NEDD4L: variants seen among roughly 807,000 people sequenced by gnomAD.
The protein encoded by NEDD4L is NEDD4 like E3 ubiquitin protein ligase.
A neutral mutation model predicts 148.9 loss-of-function variants in NEDD4L; 54 were observed. The ratio of observed to expected loss-of-function variants is 0.36; its 90% CI spans 0.29 to 0.45. The LOEUF (loss-of-function observed/expected upper bound fraction) is 0.45, where lower values mean the gene tolerates loss of function less well. NEDD4L is among the 20% of genes least tolerant of loss of function. The pLI, the probability that NEDD4L is intolerant of heterozygous loss-of-function variation, is 1.00. For missense variants in NEDD4L, 856 were observed against 1,233.8 expected (o/e 0.69, Z 4.59); for synonymous variants, 433 against 440.7 (o/e 0.98, Z 0.22).
At chr18:58,269,836 C>G (rs529152889) in intron 5 of NEDD4L, among the ~76,000 whole-genome samples, 8 of 149,702 alleles carry the variant, frequency 5.3e-5, no homozygotes, top group Non-Finnish European at 1.2e-4. Context: ...GTTCCTCTTT[C>G]TAGAGGTGGG....
rs559067461 is a variant in NEDD4L, at chr18:58,398,722, C to T, written c.*2453C>T. 2 of 152,324 alleles carry T rather than the reference C, an allele frequency of 1.3e-5. No homozygotes were observed. Among genetic ancestry groups the T allele is most frequent in the East Asian group, 1.9e-4 (1 of 5,192 alleles). The allele number at this position is 152,324 out of a possible 1,614,324, so 9.4% of individuals were successfully genotyped here. On this transcript the variant is annotated 3_prime_UTR_variant, in exon 31 of 31. Transcript: ENST00000400345. The stretch of plus-strand genomic sequence containing the variant: ...GGTTCAGTAGTCCTCAGCAATTCTC[C>T]AAGTTTCTCTCTTTGCCTAAAATGG...
intron 2 of NEDD4L, chr18:58,195,813 A>C: frequency 2.2e-6 from 2 of 914,430 alleles, no homozygotes; most frequent in Non-Finnish European, 3.2e-6. Context: ...CTTACCGTGA[A>C]TCCATTAGCT....
intron 2 of NEDD4L, chr18:58,195,747 A>AAGGTTC (rs1371685488): frequency 1.5e-6 from 2 of 1,340,418 alleles, no homozygotes; most frequent in Non-Finnish European, 2.0e-6. Context: ...AGTGCCACCG[A>AAGGTTC]AGGTTCCGTT....
Position 58,365,878 on chromosome 18 carries a change from A to G in NEDD4L, c.1834-121A>G, listed in dbSNP as rs147692860. 2.6e-5 allele frequency: 17 copies of G among 659,420 alleles called. No homozygotes were observed. The African/African-American group carries it at 2.9e-4, about 11-fold the overall frequency. 40.8% of individuals were successfully genotyped at this position (659,420 alleles called of 1,614,324 possible). ...AAAGGAGAGAATCTCAGTTGGAACCATTTGTCACTGCCTGTTTCTTTGAGG... is the reference window on the plus strand; with the variant it reads ...AAAGGAGAGAATCTCAGTTGGAACCGTTTGTCACTGCCTGTTTCTTTGAGG... On this transcript the variant is annotated intron_variant, in intron 20 of 30. Coordinates refer to ENST00000400345, the MANE Select transcript of NEDD4L (RefSeq NM_001144967.3).
chr18:58,198,050 A>G (rs1427689335), intron 2 of NEDD4L, among the ~76,000 whole-genome samples: 1 of 152,092 alleles, frequency 6.6e-6, no homozygotes, highest in Non-Finnish European at 1.5e-5. Flanking sequence ...TGGCACCCCT[A>G]CATAAAGGAA....
In NEDD4L at chr18:58,343,016, G is replaced by C. The variant is rs764949955; in HGVS notation, c.1488G>C (p.Gln496His). 2.5e-6 allele frequency: 4 copies of C among 1,613,734 alleles called. No individual in the cohort carries two copies. Among genetic ancestry groups the C allele is most frequent in the Non-Finnish European group, 2.5e-6 (3 of 1,179,790 alleles). The change falls in exon 16 of 31, where the codon CAG becomes CAC. Residue 496 changes from glutamine to histidine, a missense_variant. Gln to His is a conservative substitution (Grantham distance 24, BLOSUM62 0). Around this residue, in one of 4 missense-constraint regions of NEDD4L, gnomAD observed 367 missense variants for 422.7 expected, o/e 0.87. Coordinates refer to ENST00000400345, the MANE Select transcript of NEDD4L (RefSeq NM_001144967.3). ...NSPKPQHKVT[Q>H]SFLPPGWEMR... ...CCAAACCACAACACAAAGTCACACA[G>C]AGCTTCTTGCCACCCGGCTGGGAAA...
chr18:58,094,615 C>T (rs553424852), intron 1 of NEDD4L, among the ~76,000 whole-genome samples: 1 of 152,308 alleles, frequency 6.6e-6, no homozygotes, highest in East Asian at 1.9e-4. Flanking sequence ...CTCCCATGCT[C>T]AGCCCCGTGG....
At chr18:58,228,486 A>G (rs755720779) in intron 2 of NEDD4L, among the ~76,000 whole-genome samples, 1 of 152,262 alleles carries the variant, frequency 6.6e-6, no homozygotes, top group African/African-American at 2.4e-5. Context: ...CAGACCGTGT[A>G]TGCCACAATA....
chr18:58,068,190 CTTTTTT>C (rs201565393), intron 1 of NEDD4L, among the ~76,000 whole-genome samples: 1 of 109,310 alleles, frequency 9.1e-6, no homozygotes, highest in South Asian at 2.7e-4. Context: ...TCCTAGAATT[CTTTTTT>C]TTTTTTTTTT....
chr18:58,058,878 G>A (rs1042446008), intron 1 of NEDD4L, among the ~76,000 whole-genome samples: 1 of 152,106 alleles, frequency 6.6e-6, no homozygotes, highest in African/African-American at 2.4e-5. Context: ...GTCTCGTATA[G>A]ATTAGGCACC....
At chr18:58,379,416 TGAG>T (rs997547572) in intron 24 of NEDD4L, among the ~76,000 whole-genome samples, 1 of 152,202 alleles carries the variant, frequency 6.6e-6, no homozygotes, top group African/African-American at 2.4e-5. Context: ...TGTTCAGTGC[TGAG>T]GACATACAGT....
chr18:58,200,585 A>G (rs150097627), intron 2 of NEDD4L, among the ~76,000 whole-genome samples: 48 of 152,362 alleles, frequency 3.2e-4, no homozygotes, highest in African/African-American at 1.1e-3. Context: ...ATGTTATGGA[A>G]CAAAGTTAAA....
chr18:58,057,380 T>G (rs1227712502), intron 1 of NEDD4L, among the ~76,000 whole-genome samples: 2 of 151,650 alleles, frequency 1.3e-5, no homozygotes, highest in East Asian at 3.9e-4. Flanking sequence ...AAGGGGAAAA[T>G]AAGACACTCA....
chr18:58,074,229 A>G (rs1478768532), intron 1 of NEDD4L, among the ~76,000 whole-genome samples: 15 of 149,778 alleles, frequency 1.0e-4, no homozygotes, highest in Admixed American at 9.3e-4. Context: ...GTATTCTGTC[A>G]TTTTGCTCTT....
intron 1 of NEDD4L, among the ~76,000 whole-genome samples, chr18:58,123,554 A>C (rs1372169289): frequency 6.6e-6 from 1 of 152,144 alleles, no homozygotes; most frequent in East Asian, 1.9e-4. Context: ...CACCCTGGTT[A>C]AACCCACTTT....
chr18:58,183,939 G>A (rs1037580435), intron 2 of NEDD4L, among the ~76,000 whole-genome samples: 1 of 152,174 alleles, frequency 6.6e-6, no homozygotes, highest in South Asian at 2.1e-4. Flanking sequence ...GGAGGCCAAG[G>A]CGGGCGGATC....
chr18:58,101,812 T>A (rs1240373850), intron 1 of NEDD4L, among the ~76,000 whole-genome samples: 1 of 152,194 alleles, frequency 6.6e-6, no homozygotes, highest in Admixed American at 6.5e-5. Context: ...AGAGAGAGAA[T>A]GAGCCAGGAT....
At chr18:58,289,690 T>G (rs1384581508) in intron 5 of NEDD4L, among the ~76,000 whole-genome samples, 1 of 152,154 alleles carries the variant, frequency 6.6e-6, no homozygotes, top group African/African-American at 2.4e-5. Context: ...AGCCTCCACT[T>G]GACACCGCAT....
intron 2 of NEDD4L, among the ~76,000 whole-genome samples, chr18:58,207,553 G>A (rs1021219423): frequency 1.3e-5 from 2 of 152,178 alleles, no homozygotes; most frequent in Non-Finnish European, 2.9e-5. Context: ...TGCAGAACCA[G>A]CCAGTAGGTT....
Sources: allele counts gnomAD v4.1 joint callset (sites outside exome capture counted in the v4.1 genomes callset), GRCh38; gene constraint gnomAD v4.1.1; regional missense constraint gnomAD v4.1.1; transcripts MANE v1.5; gene names NCBI Gene and HGNC (gene_info 2026-07-23, HGNC 2026-07-21).